The following ARPIN variants were observed in gnomAD, a reference collection of about 807,000 sequenced individuals.
ARPIN encodes actin related protein 2/3 complex inhibitor.
Under a neutral mutation model 25.9 loss-of-function variants are expected in ARPIN, and 23 were observed. That is an observed-to-expected ratio of 0.89 (90% CI 0.64 to 1.26). ARPIN has a LOEUF of 1.26. Among genes scored for constraint, ARPIN ranks in the 50% most tolerant of loss-of-function variants. The pLI is 0.00. For missense variants in ARPIN, 333 were observed against 312.2 expected (o/e 1.07, Z -0.50); for synonymous variants, 126 against 131.4 (o/e 0.96, Z 0.28).
Position 89,901,516 on chromosome 15 carries a change from A to ATT in ARPIN, c.*277_*278dup. On this transcript the variant is annotated 3_prime_UTR_variant, in exon 6 of 6. Coordinates refer to ENST00000357484, the MANE Select transcript of ARPIN (RefSeq NM_182616.4). ...CAACATAGTGAGACCTCCATCTCTAATTTTTTTTTAAAGGGTCATCATGTA... is the reference window on the plus strand; with the variant it reads ...CAACATAGTGAGACCTCCATCTCTAATTTTTTTTTTTAAAGGGTCATCATGTA... 1 of 468,368 alleles carries ATT rather than the reference A, an allele frequency of 2.1e-6. No homozygotes were observed. 29.0% of individuals were successfully genotyped at this position (468,368 alleles called of 1,614,324 possible). A position where few individuals can be genotyped will look rare whatever the true frequency, so the allele number is the denominator to read the frequency against.
At position 89,901,651 on chromosome 15, in the gene ARPIN, C is replaced by A; in HGVS notation, c.*144G>T. ...GGGTTTGGTTTTAGCAGAGCTTGTT[C>A]AAAGAGTATTCCAAGGTGGCTATGG... On this transcript the variant is annotated 3_prime_UTR_variant, in exon 6 of 6. Coordinates refer to ENST00000357484, the MANE Select transcript of ARPIN (RefSeq NM_182616.4). 1 of 993,680 alleles carries A rather than the reference C, an allele frequency of 1.0e-6. No homozygotes were observed. The highest frequency in any genetic ancestry group is 1.5e-6 in the Non-Finnish European group (1 of 656,652). The allele number at this position is 993,680 out of a possible 1,614,324, so 61.6% of individuals were successfully genotyped here.
chr15:89,912,585 C>T, intron 1 of ARPIN, 159 bp downstream of exon 1: 1 of 1,341,386 alleles, frequency 7.5e-7, no homozygotes, highest in Non-Finnish European at 9.5e-7. Context: ...GCGGCAGGGG[C>T]GCCGGGAGCG....
At position 89,908,342 on chromosome 15, in the gene ARPIN, T is replaced by C. The variant is rs192260697; in HGVS notation, c.239A>G (p.Glu80Gly). Residue 80 changes from glutamate to glycine, a missense_variant, in exon 3 of 6, where the codon GAA (glutamate) becomes GGA (glycine). By Grantham distance (98) the Glu-to-Gly change is moderately conservative. Transcript: ENST00000357484. ...HRRKFDAKGN[E>G]IEPNFSATRK... ...GGTGGCGCTGAAGTTGGGCTCGATT[T>C]CATTTCCCTTGGCGTCGAATTTACG... 5.6e-6 allele frequency: 9 copies of C among 1,614,172 alleles called. No homozygotes were observed. The African/African-American group carries it at 1.1e-4, about 19-fold the overall frequency.
At chr15:89,908,235 T>C in intron 3 of ARPIN, 45 bp downstream of exon 3, 1 of 1,611,562 alleles carries the variant, frequency 6.2e-7, no homozygotes, top group Non-Finnish European at 8.5e-7. Flanking sequence ...GCCGCCACAC[T>C]GCAGGAGGGC....
chr15:89,903,724 C>G (rs1897065475), intron 4 of ARPIN, 53 bp downstream of exon 4: 2 of 1,599,198 alleles, frequency 1.3e-6, no homozygotes, highest in Non-Finnish European at 1.7e-6. Context: ...AGGCCAAGAG[C>G]CCCCATGGGC....
chr15:89,903,421 C>T (rs1256843), intron 4 of ARPIN, 42 bp from the exon 5 acceptor site: 33,482 of 1,611,656 alleles, frequency 0.021, 424 homozygotes, highest in Non-Finnish European at 0.023. Context: ...GTCCCTGTGG[C>T]AGAAACATAG....
intron 3 of ARPIN, among the ~76,000 whole-genome samples, chr15:89,906,687 G>A (rs946821121): frequency 6.6e-6 from 1 of 152,162 alleles, no homozygotes; most frequent in Admixed American, 6.5e-5. Context: ...GTAACTGAAG[G>A]TATGAATGAA....
Position 89,912,866 on chromosome 15 carries a change from A to T in ARPIN, c.-31T>A. On this transcript the variant is annotated 5_prime_UTR_variant, in exon 1 of 6. Transcript: ENST00000357484. ...CGACCGCCCGGGCACCCCGGCACAG[A>T]GCCGGCGCACTGGGCTGGGGGCGCG... 2 of 1,508,654 alleles carry T rather than the reference A, an allele frequency of 1.3e-6. No homozygotes were observed. Among genetic ancestry groups the T allele is most frequent in the Non-Finnish European group, 1.8e-6 (2 of 1,132,996 alleles). The allele number at this position is 1,508,654 out of a possible 1,614,324, so 93.5% of individuals were successfully genotyped here. A position where few individuals can be genotyped will look rare whatever the true frequency, so the allele number is the denominator to read the frequency against.
At position 89,912,732 on chromosome 15, in the gene ARPIN, G is replaced by C. The variant is rs999018224; in HGVS notation, c.92+12C>G. 1 of 1,405,420 alleles carries C rather than the reference G, an allele frequency of 7.1e-7. No homozygotes were observed. Among genetic ancestry groups the C allele is most frequent in the African/African-American group, 1.5e-5 (1 of 66,258 alleles). 87.1% of individuals were successfully genotyped at this position (1,405,420 alleles called of 1,614,324 possible). A position where few individuals can be genotyped will look rare whatever the true frequency, so the allele number is the denominator to read the frequency against. On this transcript the variant is annotated intron_variant, in intron 1 of 5. Coordinates refer to ENST00000357484, the MANE Select transcript of ARPIN (RefSeq NM_182616.4). Reference sequence around the variant, plus strand: ...AGGGGAGGCCGACCCGAGGCCGTGAGCCCAGGCCTACCCCTGGTGGGCGGC... The same window carrying C: ...AGGGGAGGCCGACCCGAGGCCGTGACCCCAGGCCTACCCCTGGTGGGCGGC...
chr15:89,904,067 G>A (rs1250446260), intron 3 of ARPIN, 84 bp from the exon 4 acceptor site: 1 of 1,472,794 alleles, frequency 6.8e-7, no homozygotes, highest in Admixed American at 2.1e-5. Context: ...GGTGAGGGCT[G>A]AGTGTTTCCA....
At position 89,895,226 on chromosome 15, in the gene ARPIN, AATAG is replaced by A. The variant is rs1896911215; in HGVS notation, c.*6565_*6568del. On this transcript the variant is annotated 3_prime_UTR_variant, in exon 6 of 6. Transcript: ENST00000357484. ...TCTACATTGAATATGAGAAATATTAAATAGATAATAAAAATCATGCTGGGAAAGA... is the reference window on the plus strand; with the variant it reads ...TCTACATTGAATATGAGAAATATTAAATAATAAAAATCATGCTGGGAAAGA... 6.6e-6 allele frequency: 1 copy of A among 151,934 alleles called. No individual in the cohort carries two copies. The highest frequency in any genetic ancestry group is 1.5e-5 in the Non-Finnish European group (1 of 67,810). 9.4% of individuals were successfully genotyped at this position (151,934 alleles called of 1,614,324 possible).
intron 3 of ARPIN, among the ~76,000 whole-genome samples, chr15:89,905,146 C>T (rs1047451204): frequency 2.0e-5 from 3 of 152,024 alleles, no homozygotes; most frequent in African/African-American, 7.2e-5. Context: ...CTTAGCCTTC[C>T]GAGTAGATGG....
At position 89,896,592 on chromosome 15, in the gene ARPIN, T is replaced by C. The variant is rs954877801; in HGVS notation, c.*5203A>G. 6.6e-6 allele frequency: 1 copy of C among 152,146 alleles called. No homozygotes were observed. The highest frequency in any genetic ancestry group is 1.5e-5 in the Non-Finnish European group (1 of 68,024). The allele number at this position is 152,146 out of a possible 1,614,324, so 9.4% of individuals were successfully genotyped here. On this transcript the variant is annotated 3_prime_UTR_variant, in exon 6 of 6. Coordinates refer to ENST00000357484, the MANE Select transcript of ARPIN (RefSeq NM_182616.4). ...AAAAATCACAAAACATCAACAGATA[T>C]ATAAAGTTTTTTTATAAAAAGAATT...
intron 3 of ARPIN, among the ~76,000 whole-genome samples, chr15:89,905,722 A>G (rs1456537721): frequency 6.6e-6 from 1 of 152,074 alleles, no homozygotes; most frequent in East Asian, 1.9e-4. Context: ...CAGTGGCTCC[A>G]TCTCCTGCTC....
intron 3 of ARPIN, among the ~76,000 whole-genome samples, chr15:89,907,218 C>A (rs1392410002): frequency 6.6e-6 from 1 of 151,802 alleles, no homozygotes; most frequent in Non-Finnish European, 1.5e-5. Flanking sequence ...CAGGTGCACG[C>A]CACCATGCCC....
Position 89,896,849 on chromosome 15 carries a change from T to C in ARPIN, c.*4946A>G, listed in dbSNP as rs1228094667. 6.6e-6 allele frequency: 1 copy of C among 152,142 alleles called. No individual in the cohort carries two copies. Among genetic ancestry groups the C allele is most frequent in the African/African-American group, 2.4e-5 (1 of 41,430 alleles). 9.4% of individuals were successfully genotyped at this position (152,142 alleles called of 1,614,324 possible). A position where few individuals can be genotyped will look rare whatever the true frequency, so the allele number is the denominator to read the frequency against. Reference sequence around the variant, plus strand: ...AATATTATTTTCACCTCATCAAAAATCATTTTAAAAATGTTTTCATACCCA... The same window carrying C: ...AATATTATTTTCACCTCATCAAAAACCATTTTAAAAATGTTTTCATACCCA... On this transcript the variant is annotated 3_prime_UTR_variant, in exon 6 of 6. Coordinates refer to ENST00000357484, the MANE Select transcript of ARPIN (RefSeq NM_182616.4).
chr15:89,910,834 G>A lies in ARPIN; in HGVS notation c.93-15C>T, dbSNP rs766306974. 1 of 1,613,784 alleles carries A rather than the reference G, an allele frequency of 6.2e-7. No individual in the cohort carries two copies. Among genetic ancestry groups the A allele is most frequent in the Non-Finnish European group, 8.5e-7 (1 of 1,179,902 alleles). ...CACCATTTCCCCTGGGGATGAAAGG[G>A]AAAGAAAGGATAGCCAGTTTTGTCA... is the stretch of plus-strand genomic sequence containing the variant. On this transcript the variant is annotated splice_polypyrimidine_tract_variant and intron_variant, in intron 1 of 5. Coordinates refer to ENST00000357484, the MANE Select transcript of ARPIN (RefSeq NM_182616.4).
At chr15:89,907,320 G>A (rs1241415670) in intron 3 of ARPIN, among the ~76,000 whole-genome samples, 4 of 151,876 alleles carry the variant, frequency 2.6e-5, no homozygotes, top group South Asian at 2.1e-4. Context: ...CACCCACCTC[G>A]GCCTCCCAAA....
chr15:89,903,514 C>G, intron 4 of ARPIN, 135 bp from the exon 5 acceptor site: 1 of 1,461,850 alleles, frequency 6.8e-7, no homozygotes, highest in African/African-American at 1.4e-5. Flanking sequence ...GGTCAATGAG[C>G]CCCTGGGTGG....
Sources: gnomAD v4.1 joint callset for allele counts (sites outside exome capture counted in the v4.1 genomes callset) on GRCh38, gnomAD v4.1.1 for gene constraint, MANE v1.5 for transcripts, NCBI Gene and HGNC (gene_info 2026-07-23, HGNC 2026-07-21) for gene names.